Variants in LYNX1 observed in about 807,000 individuals in gnomAD.
The protein encoded by LYNX1 is Ly6/neurotoxin 1.
LYNX1 carries 8 observed loss-of-function variants against 8.3 expected under a neutral mutation model. The ratio of observed to expected loss-of-function variants is 0.97; its 90% confidence interval spans 0.57 to 1.74. The LOEUF (loss-of-function observed/expected upper bound fraction) is 1.74. Ranked by LOEUF, LYNX1 falls within the 40% of genes most tolerant of loss-of-function variation. The pLI, the probability that LYNX1 is intolerant of heterozygous loss-of-function variation, is 0.00. For synonymous variants in LYNX1, 73 were observed against 67.9 expected, an observed-to-expected ratio of 1.08 and a Z score of -0.37; for missense variants, 158 against 159.7, an observed-to-expected ratio of 0.99 and a Z score of 0.06.
chr8:142,774,261 T>C lies in LYNX1; in HGVS notation c.*906A>G. ...CCCAGGCTGCTCCCAACCCCCAGCC[T>C]GTGCGCGCATCCCCCAGTCCTGCGT... On this transcript the variant is annotated 3_prime_UTR_variant, in exon 4 of 4. Transcript: ENST00000652477. The C allele has an allele frequency of 1.0e-6, 1 of 983,956 alleles. No homozygotes were observed. Among genetic ancestry groups the C allele is most frequent in the Non-Finnish European group, 1.2e-6 (1 of 829,716 alleles). 61.0% of individuals were successfully genotyped at this position (983,956 alleles called of 1,614,324 possible). A position where few individuals can be genotyped will look rare whatever the true frequency, so the allele number is the denominator to read the frequency against.
rs587651491 is a variant in LYNX1 at position 142,774,477 on chromosome 8, G to T, written c.*690C>A. On this transcript the variant is annotated 3_prime_UTR_variant, in exon 4 of 4. Transcript: ENST00000652477. Reference sequence around the variant, plus strand: ...CCCTCCCCGTGAGGGGGTGGGAAACGTCAAGGGGTTTGACTGAGAGGACAC... The same window carrying T: ...CCCTCCCCGTGAGGGGGTGGGAAACTTCAAGGGGTTTGACTGAGAGGACAC... The T allele has an allele frequency of 4.1e-6, 4 of 985,728 alleles. No homozygotes were observed. The highest frequency in any genetic ancestry group is 1.7e-5 in the African/African-American group (1 of 57,332). 61.1% of individuals were successfully genotyped at this position (985,728 alleles called of 1,614,324 possible).
In LYNX1 at chr8:142,774,770, T is replaced by C. The variant is rs77414887; in HGVS notation, c.*397A>G. 4,797 of 1,058,042 alleles carry C rather than the reference T, an allele frequency of 4.5e-3. 156 individuals carry two copies. In the African/African-American group the frequency reaches 0.071, roughly 16 times the overall value. The allele number at this position is 1,058,042 out of a possible 1,614,324, so 65.5% of individuals were successfully genotyped here. ...CCACCACCCCACCTGCGGGCATTCC[T>C]TGTCTTCCCCCTGCCCCAGCACACC... On this transcript the variant is annotated 3_prime_UTR_variant, in exon 4 of 4. Transcript: ENST00000652477.
At position 142,773,822 on chromosome 8, in the gene LYNX1, G is replaced by C. The variant is rs944821485; in HGVS notation, c.*1345C>G. On this transcript the variant is annotated 3_prime_UTR_variant, in exon 4 of 4. Transcript: ENST00000652477. ...CCTGCCCATGCGGGATGGCTTGAAG[G>C]GTTTCTCAGGACACCAGAGCTGGGA... 8 of 985,248 alleles carry C rather than the reference G, an allele frequency of 8.1e-6. No individual in the cohort carries two copies. The highest frequency in any genetic ancestry group is 3.5e-5 in the African/African-American group (2 of 57,202). 61.0% of individuals were successfully genotyped at this position (985,248 alleles called of 1,614,324 possible).
Position 142,771,714 on chromosome 8 carries a change from CAG to C in LYNX1, c.*3451_*3452del, listed in dbSNP as rs1815184091. 1 of 985,746 alleles carries C rather than the reference CAG, an allele frequency of 1.0e-6. No individual in the cohort carries two copies. Among genetic ancestry groups the C allele is most frequent in the South Asian group, 4.7e-5 (1 of 21,290 alleles). 61.1% of individuals were successfully genotyped at this position (985,746 alleles called of 1,614,324 possible). A position where few individuals can be genotyped will look rare whatever the true frequency, so the allele number is the denominator to read the frequency against. ...CCTCTCTGCTTCTTTTGACCTTTTT[CAG>C]AGTTTCAGAGTTATGAACCAAATCG... On this transcript the variant is annotated 3_prime_UTR_variant, in exon 4 of 4. Coordinates refer to ENST00000652477, the MANE Select transcript of LYNX1 (RefSeq NM_177477.4).
rs587596412 is a variant in LYNX1, at chr8:142,771,825, G to A, written c.*3342C>T. The A allele has an allele frequency of 5.7e-5, 56 of 985,844 alleles. No homozygotes were observed. In the African/African-American group the frequency reaches 8.2e-4, roughly 14 times the overall value. The allele number at this position is 985,844 out of a possible 1,614,324, so 61.1% of individuals were successfully genotyped here. On this transcript the variant is annotated 3_prime_UTR_variant, in exon 4 of 4. Transcript: ENST00000652477. ...GCTCCCCCACTTCCCCAGGACCTCC[G>A]CCTGGAGGAAGCCTGCCCAGGGCCG...
At chr8:142,775,806 A>T (rs929364775) in intron 2 of LYNX1, 100 bp downstream of exon 2, 1 of 1,564,292 alleles carries the variant, frequency 6.4e-7, no homozygotes, top group Non-Finnish European at 8.8e-7. Context: ...GGGGGCTAGA[A>T]GGAGGGGTTG....
chr8:142,777,662 G>T (rs557792912), upstream of LYNX1: 734 of 396,300 alleles, frequency 1.9e-3, 8 homozygotes, highest in Non-Finnish European at 2.2e-4. Flanking sequence ...CCGCCGGCTC[G>T]CCGGGCAAGC....
At chr8:142,775,750 C>T (rs1376821572) in intron 2 of LYNX1, 56 bp from the exon 3 acceptor site, 2 of 1,540,464 alleles carry the variant, frequency 1.3e-6, no homozygotes, top group African/African-American at 1.4e-5. Context: ...TGAGAGGCCC[C>T]TCCTCCAGCC....
rs587726595 is a variant in LYNX1 at position 142,772,929 on chromosome 8, C to T, written c.*2238G>A. The T allele has an allele frequency of 1.4e-5, 14 of 985,860 alleles. No homozygotes were observed. In the South Asian group the frequency reaches 5.6e-4, roughly 40 times the overall value. 61.1% of individuals were successfully genotyped at this position (985,860 alleles called of 1,614,324 possible). A position where few individuals can be genotyped will look rare whatever the true frequency, so the allele number is the denominator to read the frequency against. ...GGAGGCAGGTGTGAGAAGCTGCCCA[C>T]CCCACCCCTCAACACCACAGCACTT... On this transcript the variant is annotated 3_prime_UTR_variant, in exon 4 of 4. Transcript: ENST00000652477.
In LYNX1 at chr8:142,771,383, C is replaced by A; in HGVS notation, c.*3784G>T. The A allele has an allele frequency of 2.0e-6, 2 of 985,558 alleles. No homozygotes were observed. The highest frequency in any genetic ancestry group is 2.4e-6 in the Non-Finnish European group (2 of 830,018). The allele number at this position is 985,558 out of a possible 1,614,324, so 61.1% of individuals were successfully genotyped here. On this transcript the variant is annotated 3_prime_UTR_variant, in exon 4 of 4. Transcript: ENST00000652477. ...GCACTTATGCCCACGACCAGCTGAG[C>A]CAGACCAGCATTCCCATTTCACCAC...
chr8:142,775,727 G>A lies in LYNX1; in HGVS notation c.53-33C>T, dbSNP rs587711318. The A allele has an allele frequency of 2.3e-5, 36 of 1,561,862 alleles. No individual in the cohort carries two copies. The South Asian group carries it at 2.3e-4, about 10-fold the overall frequency. ...TGGCAGATGGGCGGGAAGGGAACGG[G>A]GGTCACAGAACATGAGAGGCCCCTC... On this transcript the variant is annotated intron_variant, in intron 2 of 3. Transcript: ENST00000652477.
intron 1 of LYNX1, chr8:142,776,482 T>A (rs1815430920): frequency 6.0e-6 from 1 of 167,914 alleles, no homozygotes; most frequent in African/African-American, 2.4e-5. Flanking sequence ...TGGGAGGTGG[T>A]CTGCAGCCCC....
Position 142,775,979 on chromosome 8 carries a change from G to C in LYNX1, c.-22C>G. 1 of 1,613,488 alleles carries C rather than the reference G, an allele frequency of 6.2e-7. No homozygotes were observed. Among genetic ancestry groups the C allele is most frequent in the South Asian group, 1.1e-5 (1 of 91,016 alleles). On this transcript the variant is annotated 5_prime_UTR_variant, in exon 2 of 4. Coordinates refer to ENST00000652477, the MANE Select transcript of LYNX1 (RefSeq NM_177477.4). ...TCATGGCTGCAGGCAGGAGGGCAGC[G>C]TGGGAGTGGGGAGGTCAACAGCAGC...
At chr8:142,777,084 G>C (rs1422002134) in intron 1 of LYNX1, 22 bp downstream of exon 1, 1 of 151,982 alleles carries the variant, frequency 6.6e-6, no homozygotes, top group Non-Finnish European at 1.5e-5. Flanking sequence ...CGGCGCGAGC[G>C]GGACTATCAG....
chr8:142,771,384 C>T lies in LYNX1; in HGVS notation c.*3783G>A, dbSNP rs1487675547. ...CACTTATGCCCACGACCAGCTGAGCCAGACCAGCATTCCCATTTCACCACC... is the reference window on the plus strand; with the variant it reads ...CACTTATGCCCACGACCAGCTGAGCTAGACCAGCATTCCCATTTCACCACC... On this transcript the variant is annotated 3_prime_UTR_variant, in exon 4 of 4. Transcript: ENST00000652477. 8.1e-6 allele frequency: 8 copies of T among 985,460 alleles called. No individual in the cohort carries two copies. Among genetic ancestry groups the T allele is most frequent in the Non-Finnish European group, 9.6e-6 (8 of 830,028 alleles). 61.0% of individuals were successfully genotyped at this position (985,460 alleles called of 1,614,324 possible).
At position 142,775,182 on chromosome 8, in the gene LYNX1, G is replaced by A. The variant is rs1479154789; in HGVS notation, c.336C>T (p.Leu112=). ...CTCGGGGGCTTTAGAGGAGACCCCA[G>A]AGGGTGGCCAGGAGGATGGGGGCCA... The part of the protein sequence containing the change: ...LALAPILLAT[L]WGLL The change falls in exon 4 of 4, where the codon CTC becomes CTT. Residue 112 remains leucine (L), a synonymous_variant. Transcript: ENST00000652477. 1 of 1,611,984 alleles carries A rather than the reference G, an allele frequency of 6.2e-7. No homozygotes were observed. The highest frequency in any genetic ancestry group is 1.3e-5 in the African/African-American group (1 of 75,040).
At position 142,773,533 on chromosome 8, in the gene LYNX1, G is replaced by T; in HGVS notation, c.*1634C>A. On this transcript the variant is annotated 3_prime_UTR_variant, in exon 4 of 4. Coordinates refer to ENST00000652477, the MANE Select transcript of LYNX1 (RefSeq NM_177477.4). ...ACTGTCCTCCTCCAGCGGGAACTGG[G>T]TGTGCCCTCAGCAAGACTCTGCCCC... The T allele has an allele frequency of 1.0e-6, 1 of 985,520 alleles. No homozygotes were observed. The highest frequency in any genetic ancestry group is 1.2e-6 in the Non-Finnish European group (1 of 830,034). 61.0% of individuals were successfully genotyped at this position (985,520 alleles called of 1,614,324 possible).
At position 142,773,079 on chromosome 8, in the gene LYNX1, T is replaced by C. The variant is rs3808494; in HGVS notation, c.*2088A>G. The C allele has an allele frequency of 1.2e-3, 1,222 of 985,450 alleles. 33 individuals are homozygous for C. In the East Asian group the frequency reaches 0.087, roughly 71 times the overall value. 61.0% of individuals were successfully genotyped at this position (985,450 alleles called of 1,614,324 possible). On this transcript the variant is annotated 3_prime_UTR_variant, in exon 4 of 4. Transcript: ENST00000652477. Reference sequence around the variant, plus strand: ...TCCTGGAGTCCCTCCCAGCCCTGGCTGAGGAAGCCACCCAACCCGACAATG... The same window carrying C: ...TCCTGGAGTCCCTCCCAGCCCTGGCCGAGGAAGCCACCCAACCCGACAATG...
chr8:142,775,218 G>C lies in LYNX1; in HGVS notation c.300C>G (p.Ala100=). 9 of 1,613,222 alleles carry C rather than the reference G, an allele frequency of 5.6e-6. No homozygotes were observed. The highest frequency in any genetic ancestry group is 6.8e-6 in the Non-Finnish European group (8 of 1,179,706). Residue 100 remains alanine (A), a synonymous_variant, in exon 4 of 4, where the codon GCC becomes GCG. Coordinates refer to ENST00000652477, the MANE Select transcript of LYNX1 (RefSeq NM_177477.4). Reference sequence around the variant, plus strand: ...GGAGGATGGGGGCCAGGGCCAGGGTGGCCGGGGTGGCAAGGCCGGTGCCGT... The same window carrying C: ...GGAGGATGGGGGCCAGGGCCAGGGTCGCCGGGGTGGCAAGGCCGGTGCCGT... ...LCNGTGLATP[A]TLALAPILLA...
Sources: gnomAD v4.1 joint callset for allele counts on GRCh38, gnomAD v4.1.1 for gene constraint, MANE v1.5 for transcripts, NCBI Gene and HGNC (gene_info 2026-07-23, HGNC 2026-07-21) for gene names.